The following EPB41L2 variants were observed in gnomAD, a reference collection of about 807,000 sequenced individuals.
EPB41L2 encodes band 4.1-like protein 2.
Under a neutral mutation model 113.0 loss-of-function variants are expected in EPB41L2, and 43 were observed. That is an observed-to-expected ratio of 0.38 (90% CI 0.30 to 0.49). The LOEUF (loss-of-function observed/expected upper bound fraction) is 0.49, where lower values mean the gene tolerates loss of function less well. Among genes scored for constraint, EPB41L2 ranks in the 20% least tolerant of loss-of-function variants. EPB41L2 has a pLI of 0.95. For synonymous variants in EPB41L2, 442 were observed against 436.7 expected (o/e 1.01, Z -0.15); for missense variants, 1,147 against 1,223.4 (o/e 0.94, Z 0.93).
chr6:130,858,105 G>A (rs995711668), intron 19 of EPB41L2, 26 bp downstream of exon 19: 1 of 1,558,104 alleles, frequency 6.4e-7, no homozygotes, highest in African/African-American at 1.4e-5. Flanking sequence ...CACTAGAAAG[G>A]CCACAGACAA....
intron 1 of EPB41L2, among the ~76,000 whole-genome samples, chr6:130,975,772 C>A (rs1360951430): frequency 1.3e-5 from 2 of 152,134 alleles, no homozygotes; most frequent in Non-Finnish European, 2.9e-5. Flanking sequence ...GCCTGTAATC[C>A]CAGCACTTTG....
In EPB41L2 at chr6:130,890,475, GGAAAAAA is replaced by G; in HGVS notation, c.1488-16_1488-10del. ...GCTCTGGAGAAACAAGCCTATGGGA[GGAAAAAA>G]AAAAAAAAAGAGAGAGAGAAAGGGG... On this transcript the variant is annotated splice_polypyrimidine_tract_variant and intron_variant, in intron 10 of 19. Coordinates refer to ENST00000337057, the MANE Select transcript of EPB41L2 (RefSeq NM_001431.4). 3 of 1,179,820 alleles carry G rather than the reference GGAAAAAA, an allele frequency of 2.5e-6. No individual in the cohort carries two copies. Among genetic ancestry groups the G allele is most frequent in the Admixed American group, 4.2e-5 (1 of 24,088 alleles). 73.1% of individuals were successfully genotyped at this position (1,179,820 alleles called of 1,614,324 possible).
chr6:130,949,101 T>C (rs1813922032), intron 3 of EPB41L2, among the ~76,000 whole-genome samples: 1 of 152,188 alleles, frequency 6.6e-6, no homozygotes, highest in Non-Finnish European at 1.5e-5. Flanking sequence ...AGAACCCTTA[T>C]AAAAATTGAC....
intron 17 of EPB41L2, among the ~76,000 whole-genome samples, chr6:130,864,208 A>AT (rs1214880546): frequency 6.6e-6 from 1 of 152,010 alleles, no homozygotes; most frequent in Admixed American, 6.6e-5. Flanking sequence ...TGTGATATAT[A>AT]TTTTTTTCCC....
intron 8 of EPB41L2, among the ~76,000 whole-genome samples, chr6:130,897,576 T>C (rs1006163497): frequency 2.6e-5 from 4 of 152,152 alleles, no homozygotes; most frequent in Non-Finnish European, 5.9e-5. Flanking sequence ...ATCAACAAAG[T>C]AGAGATGCAA....
intron 12 of EPB41L2, among the ~76,000 whole-genome samples, chr6:130,884,161 C>T (rs1252498579): frequency 6.6e-6 from 1 of 151,862 alleles, no homozygotes; most frequent in Non-Finnish European, 1.5e-5. Flanking sequence ...ACGGTGAAAC[C>T]CCGTCTCTCT....
chr6:130,955,602 A>G (rs530582238), intron 2 of EPB41L2, among the ~76,000 whole-genome samples: 1 of 152,204 alleles, frequency 6.6e-6, no homozygotes, highest in Non-Finnish European at 1.5e-5. Flanking sequence ...TAACATTTCC[A>G]ATTAAAATCT....
At chr6:131,030,809 C>G (rs1215852566) in intron 1 of EPB41L2, among the ~76,000 whole-genome samples, 1 of 151,924 alleles carries the variant, frequency 6.6e-6, no homozygotes, top group Admixed American at 6.6e-5. Context: ...CATGGTGTGT[C>G]TCACGCCTGT....
chr6:130,927,502 C>A (rs1805156332), intron 3 of EPB41L2, among the ~76,000 whole-genome samples: 1 of 152,088 alleles, frequency 6.6e-6, no homozygotes, highest in Admixed American at 6.5e-5. Flanking sequence ...GAGGTCAGGT[C>A]AGACACACGC....
chr6:130,847,680 A>G (rs1033032057), intron 19 of EPB41L2, among the ~76,000 whole-genome samples: 1 of 152,208 alleles, frequency 6.6e-6, no homozygotes, highest in Non-Finnish European at 1.5e-5. Flanking sequence ...TATCTATGAT[A>G]TCCCATGAGG....
intron 3 of EPB41L2, among the ~76,000 whole-genome samples, chr6:130,936,307 G>C (rs575080949): frequency 2.0e-5 from 3 of 152,196 alleles, no homozygotes; most frequent in Non-Finnish European, 4.4e-5. Context: ...TGGGAAATAA[G>C]TTCACCTTTG....
intron 19 of EPB41L2, among the ~76,000 whole-genome samples, chr6:130,844,927 C>T (rs1776537398): frequency 6.6e-6 from 1 of 152,136 alleles, no homozygotes; most frequent in Non-Finnish European, 1.5e-5. Flanking sequence ...CCTGTAATCC[C>T]AGCTACTGGG....
chr6:131,048,713 G>A (rs1465657072), intron 1 of EPB41L2, among the ~76,000 whole-genome samples: 1 of 152,122 alleles, frequency 6.6e-6, no homozygotes, highest in African/African-American at 2.4e-5. Context: ...GATACGCGAG[G>A]TTCATTATAC....
intron 16 of EPB41L2, among the ~76,000 whole-genome samples, chr6:130,866,435 G>A (rs1346492613): frequency 1.3e-5 from 2 of 152,182 alleles, no homozygotes; most frequent in African/African-American, 4.8e-5. Context: ...CTGACTGTAA[G>A]AGGAAATCTC....
At chr6:130,899,893 T>TA (rs1396733122) in intron 7 of EPB41L2, among the ~76,000 whole-genome samples, 1 of 152,196 alleles carries the variant, frequency 6.6e-6, no homozygotes, top group Non-Finnish European at 1.5e-5. Context: ...TACTGGAGAA[T>TA]AAAAAACAGT....
intron 3 of EPB41L2, among the ~76,000 whole-genome samples, chr6:130,938,817 C>A (rs1170935371): frequency 6.6e-6 from 1 of 152,284 alleles, no homozygotes; most frequent in African/African-American, 2.4e-5. Context: ...GTAATTCACA[C>A]ACTAAAGTCA....
At chr6:130,914,737 A>G (rs1178691132) in intron 4 of EPB41L2, among the ~76,000 whole-genome samples, 1 of 152,202 alleles carries the variant, frequency 6.6e-6, no homozygotes, top group African/African-American at 2.4e-5. Flanking sequence ...TCAGATTTCA[A>G]TAAAATTTAT....
At chr6:131,025,153 C>A (rs1350634672) in intron 1 of EPB41L2, among the ~76,000 whole-genome samples, 1 of 152,056 alleles carries the variant, frequency 6.6e-6, no homozygotes, top group Admixed American at 6.6e-5. Context: ...CCACAAGTTC[C>A]AAGACCACTC....
intron 4 of EPB41L2, among the ~76,000 whole-genome samples, chr6:130,917,082 C>T (rs1024907995): frequency 6.6e-6 from 1 of 152,144 alleles, no homozygotes; most frequent in African/African-American, 2.4e-5. Context: ...CCAAAGAATT[C>T]CAGGTCTTTT....
Sources: allele counts gnomAD v4.1 joint callset (sites outside exome capture counted in the v4.1 genomes callset), GRCh38; gene constraint gnomAD v4.1.1; transcripts MANE v1.5; gene names NCBI Gene and HGNC (gene_info 2026-07-23, HGNC 2026-07-21).